The following SNX29 variants were observed in gnomAD, a reference collection of about 807,000 sequenced individuals.
SNX29 encodes the protein sorting nexin-29.
In SNX29, 78 loss-of-function variants were observed where a neutral mutation model predicts 102.1. That is an observed-to-expected ratio of 0.76 (90% confidence interval 0.64 to 0.92). The LOEUF (loss-of-function observed/expected upper bound fraction) is 0.92, where lower values mean the gene tolerates loss of function less well. SNX29 is among the 40% of genes least tolerant of loss of function. The pLI is 0.00. For synonymous variants in SNX29, 580 were observed against 414.5 expected (o/e 1.40, Z -4.85); for missense variants, 1,280 against 1,061.7 (o/e 1.21, Z -2.86).
Position 12,570,072 on chromosome 16 carries a change from G to A in SNX29, c.*1443G>A. 8 of 696,128 alleles carry A rather than the reference G, an allele frequency of 1.1e-5. No homozygotes were observed. Among genetic ancestry groups the A allele is most frequent in the Non-Finnish European group, 1.5e-5 (8 of 542,442 alleles). 43.1% of individuals were successfully genotyped at this position (696,128 alleles called of 1,614,324 possible). On this transcript the variant is annotated 3_prime_UTR_variant, in exon 21 of 21. Transcript: ENST00000566228. The stretch of plus-strand genomic sequence containing the variant: ...GAGGACATCTCTGGAGAATCATCTG[G>A]AAGGTTTATACTGTGCCTTCCCCTC...
Position 12,277,917 on chromosome 16 carries a change from C to G in SNX29, c.1679-16C>G, listed in dbSNP as rs1230073315. ...TACTGTTGAAATATTTATGACATGT[C>G]TCTCTTTCTCTAAAGTGCCAAATCT... On this transcript the variant is annotated splice_polypyrimidine_tract_variant and intron_variant, in intron 14 of 20. Transcript: ENST00000566228. 1.3e-6 allele frequency: 2 copies of G among 1,588,076 alleles called. No individual in the cohort carries two copies. Among genetic ancestry groups the G allele is most frequent in the Non-Finnish European group, 1.7e-6 (2 of 1,164,716 alleles).
At chr16:12,354,584 C>A (rs899497161) in intron 15 of SNX29, among the ~76,000 whole-genome samples, 3 of 152,270 alleles carry the variant, frequency 2.0e-5, no homozygotes, top group Admixed American at 1.3e-4. Flanking sequence ...ATTTAAGGCT[C>A]ACATTTTGTG....
chr16:12,566,664 G>A (rs1234625042), intron 20 of SNX29, among the ~76,000 whole-genome samples: 4 of 150,188 alleles, frequency 2.7e-5, no homozygotes, highest in Non-Finnish European at 4.4e-5. Flanking sequence ...ATCCTCTAAG[G>A]AGCATTCAGG....
chr16:12,317,089 G>T (rs574518256), intron 15 of SNX29, among the ~76,000 whole-genome samples: 5 of 152,348 alleles, frequency 3.3e-5, no homozygotes, highest in African/African-American at 9.6e-5. Context: ...TTCGGTTACA[G>T]TGTTTCTCCC....
At chr16:12,526,599 T>C in intron 20 of SNX29, 2 of 532,186 alleles carry the variant, frequency 3.8e-6, no homozygotes, top group Middle Eastern at 2.8e-4. Flanking sequence ...ACGTGAGGAG[T>C]TCTCATCCTC....
chr16:12,291,581 CAT>C (rs1427630787), intron 15 of SNX29, among the ~76,000 whole-genome samples: 2 of 152,198 alleles, frequency 1.3e-5, no homozygotes, highest in African/African-American at 4.8e-5. Flanking sequence ...CCCCTGGGCA[CAT>C]AGTTTTTCTT....
intron 18 of SNX29, among the ~76,000 whole-genome samples, chr16:12,434,653 C>T (rs973513178): frequency 5.9e-5 from 9 of 152,120 alleles, no homozygotes; most frequent in Admixed American, 3.3e-4. Flanking sequence ...GCTAGGGACC[C>T]GCCAACACCC....
At chr16:12,564,242 T>TA in intron 20 of SNX29, among the ~76,000 whole-genome samples, 1 of 152,148 alleles carries the variant, frequency 6.6e-6, no homozygotes, top group Non-Finnish European at 1.5e-5. Context: ...AAAAAATCTC[T>TA]ACTCAGTTCC....
chr16:12,150,232 G>A (rs183676576), intron 13 of SNX29, among the ~76,000 whole-genome samples: 1 of 152,268 alleles, frequency 6.6e-6, no homozygotes, highest in Admixed American at 6.5e-5. Flanking sequence ...CGGAGGGGCT[G>A]GAAGTTCTTT....
chr16:12,129,727 C>T lies in SNX29; in HGVS notation c.1564C>T (p.Arg522Trp), dbSNP rs370517062. ...AAGGAAGGTGGCTGAACAGGAGGAG[C>T]GGCAGGGCATGAAGGTCCAGGCGCT... ...LKRKVAEQEE[R>W]QGMKVQALAR... The change falls in exon 13 of 21, where the codon CGG becomes TGG. Residue 522 changes from arginine (R) to tryptophan (W), a missense_variant. Transcript: ENST00000566228. 7.5e-6 allele frequency: 12 copies of T among 1,609,580 alleles called. No individual in the cohort carries two copies. Among genetic ancestry groups the T allele is most frequent in the African/African-American group, 6.7e-5 (5 of 74,920 alleles).
At chr16:11,997,327 G>T (rs1444818743) in intron 1 of SNX29, among the ~76,000 whole-genome samples, 5 of 152,100 alleles carry the variant, frequency 3.3e-5, no homozygotes, top group Admixed American at 6.6e-5. Flanking sequence ...CTTCATAGAG[G>T]GCTCAGCTCA....
intron 1 of SNX29, chr16:11,977,152 C>T (rs1173025658): frequency 3.3e-6 from 1 of 306,862 alleles, no homozygotes; most frequent in East Asian, 5.2e-5. Flanking sequence ...CTCAGTCTCT[C>T]CTAACTCCTA....
intron 14 of SNX29, among the ~76,000 whole-genome samples, chr16:12,234,852 T>C (rs962056091): frequency 1.3e-5 from 2 of 152,194 alleles, no homozygotes; most frequent in Non-Finnish European, 2.9e-5. Context: ...ACCCGCTGAA[T>C]GGATGGATGA....
At chr16:12,333,068 A>C (rs2081342741) in intron 15 of SNX29, among the ~76,000 whole-genome samples, 1 of 150,364 alleles carries the variant, frequency 6.7e-6, no homozygotes, top group Non-Finnish European at 1.5e-5. Context: ...AGCAGTGTGC[A>C]TTTGTTCATT....
intron 18 of SNX29, among the ~76,000 whole-genome samples, chr16:12,413,753 C>T (rs754886770): frequency 2.6e-5 from 4 of 152,190 alleles, no homozygotes; most frequent in African/African-American, 7.2e-5. Flanking sequence ...CGCCCTGCCC[C>T]GCACTTCCTG....
At chr16:12,547,339 A>G (rs912386551) in intron 20 of SNX29, among the ~76,000 whole-genome samples, 7 of 152,210 alleles carry the variant, frequency 4.6e-5, no homozygotes, top group African/African-American at 1.7e-4. Flanking sequence ...CTTGCAGCCA[A>G]GGGAACTCTA....
intron 13 of SNX29, among the ~76,000 whole-genome samples, chr16:12,190,628 A>G (rs1253542100): frequency 6.6e-6 from 1 of 152,200 alleles, no homozygotes; most frequent in Middle Eastern, 3.2e-3. Context: ...CTTAGCAAAG[A>G]CACATGGGGC....
At chr16:12,361,422 G>C (rs6498279) in intron 16 of SNX29, among the ~76,000 whole-genome samples, 1 of 151,984 alleles carries the variant, frequency 6.6e-6, no homozygotes, top group Non-Finnish European at 1.5e-5. Flanking sequence ...AATAAAACCC[G>C]ATTAACCTGT....
intron 20 of SNX29, among the ~76,000 whole-genome samples, chr16:12,555,560 C>T (rs1468897848): frequency 1.3e-5 from 2 of 150,628 alleles, no homozygotes; most frequent in Non-Finnish European, 2.9e-5. Context: ...GGTTTGAGCA[C>T]CCTCATCTCT....
Sources: gnomAD v4.1 joint callset for allele counts (sites outside exome capture counted in the v4.1 genomes callset) on GRCh38, gnomAD v4.1.1 for gene constraint, MANE v1.5 for transcripts, NCBI Gene and HGNC (gene_info 2026-07-23, HGNC 2026-07-21) for gene names.